FOXB1: variants seen among roughly 807,000 people sequenced by gnomAD.
FOXB1 encodes forkhead box protein B1.
In FOXB1, 6 loss-of-function variants were observed where a neutral mutation model predicts 18.6. The ratio of observed to expected loss-of-function variants is 0.32; its 90% confidence interval spans 0.18 to 0.64. The LOEUF (loss-of-function observed/expected upper bound fraction) is 0.64, where lower values mean the gene tolerates loss of function less well. FOXB1 is among the 30% of genes least tolerant of loss of function. FOXB1 has a pLI of 0.78. For missense variants in FOXB1, 419 were observed against 463.6 expected (o/e 0.90, Z 0.88); for synonymous variants, 213 against 216.0 (o/e 0.99, Z 0.12).
Position 60,004,626 on chromosome 15 carries a change from A to C in FOXB1, c.-75A>C. On this transcript the variant is annotated 5_prime_UTR_variant, in exon 1 of 2. Coordinates refer to ENST00000396057, the MANE Select transcript of FOXB1 (RefSeq NM_012182.3). ...GCGTCCTCCCGGATGCGGACGCGCA[A>C]CTTGAAGCAACTTTAAGGTGAGCAG... is the stretch of plus-strand genomic sequence containing the variant. The C allele has an allele frequency of 4.7e-6, 1 of 211,682 alleles. No homozygotes were observed. The highest frequency in any genetic ancestry group is 9.3e-6 in the Non-Finnish European group (1 of 107,094). The allele number at this position is 211,682 out of a possible 1,614,324, so 13.1% of individuals were successfully genotyped here.
At position 60,005,236 on chromosome 15, in the gene FOXB1, A is replaced by C. The variant is rs757295884; in HGVS notation, c.273A>C (p.Pro91=). The C allele has an allele frequency of 6.2e-7, 1 of 1,614,108 alleles. No individual in the cohort carries two copies. Residue 91 remains proline, a synonymous_variant, in exon 2 of 2, where the codon CCA becomes CCC. Coordinates refer to ENST00000396057, the MANE Select transcript of FOXB1 (RefSeq NM_012182.3). This position sits in a 1 kb window ranked among gnomAD's most constrained non-coding sequence, Gnocchi z 9.8. ...PGKGSFWALH[P]SCGDMFENGS... ...AGGGCAGCTTCTGGGCGCTGCACCC[A>C]AGCTGCGGGGACATGTTCGAGAACG... is the stretch of plus-strand genomic sequence containing the variant.
intron 1 of FOXB1, 128 bp from the exon 2 acceptor site, chr15:60,004,779 G>C: frequency 1.8e-6 from 1 of 564,730 alleles, no homozygotes; most frequent in Non-Finnish European, 3.1e-6. Flanking sequence ...GAAAGAGTCC[G>C]GGCGCTGGCT....
At position 60,006,267 on chromosome 15, in the gene FOXB1, G is replaced by C. The variant is rs761803708; in HGVS notation, c.*326G>C. The C allele has an allele frequency of 2.6e-6, 1 of 382,674 alleles. No homozygotes were observed. Among genetic ancestry groups the C allele is most frequent in the African/African-American group, 2.1e-5 (1 of 47,210 alleles). The allele number at this position is 382,674 out of a possible 1,614,324, so 23.7% of individuals were successfully genotyped here. On this transcript the variant is annotated 3_prime_UTR_variant, in exon 2 of 2. Transcript: ENST00000396057. ...GGGGAAACCCTGTCACCCCCTCTTCGCCGAGAAAAGCGCGTCTTCCCTCCG... is the reference window on the plus strand; with the variant it reads ...GGGGAAACCCTGTCACCCCCTCTTCCCCGAGAAAAGCGCGTCTTCCCTCCG...
rs138019772 is a variant in FOXB1, at chr15:60,004,726, C to G, written c.-58+83C>G. 9.4e-4 allele frequency: 530 copies of G among 566,592 alleles called. 2 individuals are homozygous for G. The highest frequency in any genetic ancestry group is 9.0e-3 in the African/African-American group (478 of 53,182). 35.1% of individuals were successfully genotyped at this position (566,592 alleles called of 1,614,324 possible). A position where few individuals can be genotyped will look rare whatever the true frequency, so the allele number is the denominator to read the frequency against. ...TCCCGGCTATCCTCGCGCCGTTCGC[C>G]GGCTTCCCCTCCCGCGCCCACTAAG... On this transcript the variant is annotated intron_variant, in intron 1 of 1. Coordinates refer to ENST00000396057, the MANE Select transcript of FOXB1 (RefSeq NM_012182.3).
chr15:60,006,023 A>C lies in FOXB1; in HGVS notation c.*82A>C. 2 of 1,410,032 alleles carry C rather than the reference A, an allele frequency of 1.4e-6. No homozygotes were observed. Among genetic ancestry groups the C allele is most frequent in the Non-Finnish European group, 1.9e-6 (2 of 1,067,108 alleles). The allele number at this position is 1,410,032 out of a possible 1,614,324, so 87.3% of individuals were successfully genotyped here. On this transcript the variant is annotated 3_prime_UTR_variant, in exon 2 of 2. Coordinates refer to ENST00000396057, the MANE Select transcript of FOXB1 (RefSeq NM_012182.3). ...CTGGCTCCCAGTCCTGCCGGCCCCC[A>C]CCTGGGACCGCCACCCTAACTTGTT... is the stretch of plus-strand genomic sequence containing the variant.
In FOXB1 at chr15:60,006,095, TGGACCCAG is replaced by T; in HGVS notation, c.*156_*163del. ...GCCTTGCCCCAAGAGAACTTTGTTT[TGGACCCAG>T]GAGACCAAACACAAACTTGCAGATG... On this transcript the variant is annotated 3_prime_UTR_variant, in exon 2 of 2. Coordinates refer to ENST00000396057, the MANE Select transcript of FOXB1 (RefSeq NM_012182.3). 1 of 1,016,482 alleles carries T rather than the reference TGGACCCAG, an allele frequency of 9.8e-7. No individual in the cohort carries two copies. Among genetic ancestry groups the T allele is most frequent in the Non-Finnish European group, 1.4e-6 (1 of 724,450 alleles). The allele number at this position is 1,016,482 out of a possible 1,614,324, so 63.0% of individuals were successfully genotyped here.
chr15:60,005,344 G>T lies in FOXB1; in HGVS notation c.381G>T (p.Gln127His). Reference sequence around the variant, plus strand: ...CCAGCAAGCCAGCCGACGCGGCGCAGTACCTGCAGCAGCAGGCCAAGCTGC... The same window carrying T: ...CCAGCAAGCCAGCCGACGCGGCGCATTACCTGCAGCAGCAGGCCAAGCTGC... ...LAPSKPADAA[Q>H]YLQQQAKLRL... Residue 127 changes from glutamine (Q) to histidine (H), a missense_variant, in exon 2 of 2, where the codon CAG becomes CAT. Physicochemically the swap from Gln to His is conservative, Grantham distance 24 (BLOSUM62 0). Transcript: ENST00000396057. The surrounding 1 kb of genome is among the most constrained non-coding windows in gnomAD (Gnocchi z 9.8). The T allele has an allele frequency of 6.2e-7, 1 of 1,609,960 alleles. No individual in the cohort carries two copies.
Position 60,005,183 on chromosome 15 carries a change from A to T in FOXB1, c.220A>T (p.Ile74Phe). 1.9e-6 allele frequency: 3 copies of T among 1,614,176 alleles called. No homozygotes were observed. Among genetic ancestry groups the T allele is most frequent in the Non-Finnish European group, 2.5e-6 (3 of 1,180,028 alleles). ...CTCCTTCAACGACTGCTTCATCAAG[A>T]TCCCGCGGCGGCCGGACCAGCCAGG... ...NLSFNDCFIK[I>F]PRRPDQPGKG... is the part of the protein sequence containing the mutation. Residue 74 changes from isoleucine to phenylalanine, a missense_variant, in exon 2 of 2, where the codon ATC becomes TTC. By Grantham distance (21) the Ile-to-Phe change is conservative. This residue lies in a region of FOXB1 where 153 missense variants were observed against 173.8 expected (regional missense o/e 0.88). Coordinates refer to ENST00000396057, the MANE Select transcript of FOXB1 (RefSeq NM_012182.3). This position sits in a 1 kb window ranked among gnomAD's most constrained non-coding sequence, Gnocchi z 9.8.
chr15:60,005,542 G>A lies in FOXB1; in HGVS notation c.579G>A (p.Pro193=). The A allele has an allele frequency of 6.2e-7, 1 of 1,609,488 alleles. No individual in the cohort carries two copies. Among genetic ancestry groups the A allele is most frequent in the Non-Finnish European group, 8.5e-7 (1 of 1,178,690 alleles). The change falls in exon 2 of 2, where the codon CCG becomes CCA. Residue 193 remains proline (P), a synonymous_variant. Transcript: ENST00000396057. This position sits in a 1 kb window ranked among gnomAD's most constrained non-coding sequence, Gnocchi z 9.8. ...PGGLAFSAMQ[P]VPAAYPLPNQ... is the part of the protein sequence containing the mutation. ...GGCTGGCCTTCTCCGCCATGCAGCC[G>A]GTGCCCGCTGCCTACCCGCTCCCCA...
chr15:60,005,752 T>A lies in FOXB1; in HGVS notation c.789T>A (p.Ile263=), dbSNP rs1381342067. ...GQTLPAIPVP[I]KPTPAAVPAL... is the part of the protein sequence containing the mutation. Reference sequence around the variant, plus strand: ...CGCTGCCCGCCATCCCCGTGCCCATTAAGCCCACGCCGGCCGCCGTGCCCG... The same window carrying A: ...CGCTGCCCGCCATCCCCGTGCCCATAAAGCCCACGCCGGCCGCCGTGCCCG... Residue 263 remains isoleucine (I), a synonymous_variant, in exon 2 of 2, where the codon ATT becomes ATA. Transcript: ENST00000396057. The surrounding 1 kb of genome is among the most constrained non-coding windows in gnomAD (Gnocchi z 9.8). The A allele has an allele frequency of 6.2e-7, 1 of 1,602,152 alleles. No individual in the cohort carries two copies. The highest frequency in any genetic ancestry group is 8.5e-7 in the Non-Finnish European group (1 of 1,177,690).
chr15:60,005,569 C>A lies in FOXB1; in HGVS notation c.606C>A (p.Asn202Lys). The change falls in exon 2 of 2, where the codon AAC becomes AAA. Residue 202 changes from asparagine (N) to lysine (K), a missense_variant. Physicochemically the swap from Asn to Lys is moderately conservative, Grantham distance 94. This residue lies in a region of FOXB1 where 195 missense variants were observed against 179.8 expected (regional missense o/e 1.08). Transcript: ENST00000396057. This position sits in a 1 kb window ranked among gnomAD's most constrained non-coding sequence, Gnocchi z 9.8. The part of the protein sequence containing the change: ...QPVPAAYPLP[N>K]QLTTMGSSLG... ...TGCCCGCTGCCTACCCGCTCCCCAA[C>A]CAGTTGACTACCATGGGCAGCTCGC... The A allele has an allele frequency of 6.2e-7, 1 of 1,609,534 alleles. No homozygotes were observed. The highest frequency in any genetic ancestry group is 8.5e-7 in the Non-Finnish European group (1 of 1,178,698).
chr15:60,005,467 C>A lies in FOXB1; in HGVS notation c.504C>A (p.His168Gln). The A allele has an allele frequency of 1.2e-6, 2 of 1,611,930 alleles. No homozygotes were observed. The highest frequency in any genetic ancestry group is 8.5e-7 in the Non-Finnish European group (1 of 1,179,640). The change falls in exon 2 of 2, where the codon CAC becomes CAA. Residue 168 changes from histidine to glutamine, a missense_variant. This residue lies in a region of FOXB1 where 71 missense variants were observed against 110.0 expected (regional missense o/e 0.65). Coordinates refer to ENST00000396057, the MANE Select transcript of FOXB1 (RefSeq NM_012182.3). The surrounding 1 kb of genome is among the most constrained non-coding windows in gnomAD (Gnocchi z 9.8). Reference sequence around the variant, plus strand: ...TGGCGCAGCCCTCGGGCTTCAAGCACCCCTTCGCCATCGAGAACATCATCG... The same window carrying A: ...TGGCGCAGCCCTCGGGCTTCAAGCAACCCTTCGCCATCGAGAACATCATCG... ...GGVAQPSGFK[H>Q]PFAIENIIAR...
chr15:60,005,759 A>T lies in FOXB1; in HGVS notation c.796A>T (p.Thr266Ser). Residue 266 changes from threonine to serine, a missense_variant, in exon 2 of 2, where the codon ACG becomes TCG. Transcript: ENST00000396057. This position sits in a 1 kb window ranked among gnomAD's most constrained non-coding sequence, Gnocchi z 9.8. ...CGCCATCCCCGTGCCCATTAAGCCCACGCCGGCCGCCGTGCCCGCGCTGCC... is the reference window on the plus strand; with the variant it reads ...CGCCATCCCCGTGCCCATTAAGCCCTCGCCGGCCGCCGTGCCCGCGCTGCC... Reference protein sequence around the residue: ...LPAIPVPIKPTPAAVPALPAL... With the variant: ...LPAIPVPIKPSPAAVPALPAL... 1 of 1,599,826 alleles carries T rather than the reference A, an allele frequency of 6.3e-7. No homozygotes were observed. The highest frequency in any genetic ancestry group is 8.5e-7 in the Non-Finnish European group (1 of 1,176,622).
In FOXB1 at chr15:60,004,969, T is replaced by A; in HGVS notation, c.6T>A (p.Pro2=). Residue 2 remains proline, a synonymous_variant, in exon 2 of 2, where the codon CCT becomes CCA. Coordinates refer to ENST00000396057, the MANE Select transcript of FOXB1 (RefSeq NM_012182.3). ...AGAAGAGGGCGAGGAAGAAGATGCC[T>A]CGGCCCGGCCGCAACACGTACAGCG... M[P]RPGRNTYSDQ... is the part of the protein sequence containing the mutation. The A allele has an allele frequency of 6.2e-7, 1 of 1,610,256 alleles. No individual in the cohort carries two copies. Among genetic ancestry groups the A allele is most frequent in the Non-Finnish European group, 8.5e-7 (1 of 1,177,728 alleles).
At position 60,005,917 on chromosome 15, in the gene FOXB1, C is replaced by T. The variant is rs774216321; in HGVS notation, c.954C>T (p.Ala318=). The T allele has an allele frequency of 6.3e-6, 10 of 1,591,088 alleles. No homozygotes were observed. The highest frequency in any genetic ancestry group is 1.3e-5 in the African/African-American group (1 of 74,340). Residue 318 remains alanine (A), a synonymous_variant, in exon 2 of 2, where the codon GCC becomes GCT. Transcript: ENST00000396057. The surrounding 1 kb of genome is among the most constrained non-coding windows in gnomAD (Gnocchi z 9.8). The part of the protein sequence containing the change: ...PSETLTSPAS[A]LHSVAVH ...AAACGCTCACCAGCCCGGCCTCCGC[C>T]TTGCACTCGGTGGCGGTGCACTGAC... is the stretch of plus-strand genomic sequence containing the variant.
Position 60,006,579 on chromosome 15 carries a change from T to TG in FOXB1, c.*638_*639insG. On this transcript the variant is annotated 3_prime_UTR_variant, in exon 2 of 2. Transcript: ENST00000396057. ...CGGAGATTTTGTTGTTGTTTGGGGTTTTGTTTCCTTCCAGAGGCTCCAGGC... is the reference window on the plus strand; with the variant it reads ...CGGAGATTTTGTTGTTGTTTGGGGTTGTTGTTTCCTTCCAGAGGCTCCAGGC... The TG allele has an allele frequency of 6.6e-6, 1 of 152,282 alleles. No individual in the cohort carries two copies. Among genetic ancestry groups the TG allele is most frequent in the South Asian group, 2.1e-4 (1 of 4,822 alleles). The allele number at this position is 152,282 out of a possible 1,614,324, so 9.4% of individuals were successfully genotyped here. A position where few individuals can be genotyped will look rare whatever the true frequency, so the allele number is the denominator to read the frequency against.
rs1892099371 is a variant in FOXB1, at chr15:60,006,412, G to A, written c.*471G>A. ...CCGCGAGGGCTGCAACAGCGCAGGG[G>A]AGGGCCGGATCTCTTTACGTCTTGG... On this transcript the variant is annotated 3_prime_UTR_variant, in exon 2 of 2. Coordinates refer to ENST00000396057, the MANE Select transcript of FOXB1 (RefSeq NM_012182.3). 1 of 164,174 alleles carries A rather than the reference G, an allele frequency of 6.1e-6. No individual in the cohort carries two copies. Among genetic ancestry groups the A allele is most frequent in the South Asian group, 2.0e-4 (1 of 5,044 alleles). The allele number at this position is 164,174 out of a possible 1,614,324, so 10.2% of individuals were successfully genotyped here.
Position 60,006,564 on chromosome 15 carries a change from G to A in FOXB1, c.*623G>A, listed in dbSNP as rs2142157003. The A allele has an allele frequency of 6.6e-6, 1 of 152,372 alleles. No homozygotes were observed. Among genetic ancestry groups the A allele is most frequent in the South Asian group, 2.1e-4 (1 of 4,826 alleles). The allele number at this position is 152,372 out of a possible 1,614,324, so 9.4% of individuals were successfully genotyped here. A position where few individuals can be genotyped will look rare whatever the true frequency, so the allele number is the denominator to read the frequency against. On this transcript the variant is annotated 3_prime_UTR_variant, in exon 2 of 2. Transcript: ENST00000396057. ...CCTCCTAGGCTTCTGCGGAGATTTT[G>A]TTGTTGTTTGGGGTTTTGTTTCCTT...
At chr15:60,004,802 C>CCGGGGGGGGGGGGGGGGGGCGGGGGGGGG in intron 1 of FOXB1, 105 bp from the exon 2 acceptor site, 1 of 337,666 alleles carries the variant, frequency 3.0e-6, no homozygotes, top group Non-Finnish European at 5.6e-6. Flanking sequence ...TCGAGCGCCG[C>CCGGGGGGGGGGGGGGGGGGCGGGGGGGGG]AGGCCCCACC....
Sources: gnomAD v4.1 joint callset for allele counts on GRCh38, gnomAD v4.1.1 for gene constraint, gnomAD v4.1.1 regional missense constraint, Gnocchi (gnomAD v3.1) non-coding constraint, MANE v1.5 for transcripts, NCBI Gene and HGNC (gene_info 2026-07-23, HGNC 2026-07-21) for gene names.